The following ABCA8 variants were observed in gnomAD, a reference collection of about 807,000 sequenced individuals.
ABCA8 encodes ABC-type organic anion transporter ABCA8.
A neutral mutation model predicts 192.3 loss-of-function variants in ABCA8; 177 were observed. The observed-to-expected ratio is 0.92, with a 90% CI of 0.81 to 1.04. The LOEUF (loss-of-function observed/expected upper bound fraction) is 1.04. Among genes scored for constraint, ABCA8 ranks in the 50% least tolerant of loss-of-function variants. The pLI, the probability that ABCA8 is intolerant of heterozygous loss-of-function variation, is 0.00. For synonymous variants in ABCA8, 642 were observed against 690.2 expected (o/e 0.93, Z 1.09); for missense variants, 1,915 against 1,904.8 (o/e 1.01, Z -0.10).
intron 17 of ABCA8, among the ~76,000 whole-genome samples, chr17:68,909,433 C>T (rs942875888): frequency 1.8e-4 from 27 of 152,080 alleles, no homozygotes; most frequent in African/African-American, 6.0e-4. Context: ...AATTTGTTGG[C>T]CCTTAGATTA....
chr17:68,952,694 G>C, intron 1 of ABCA8, among the ~76,000 whole-genome samples: 1 of 152,090 alleles, frequency 6.6e-6, no homozygotes, highest in East Asian at 1.9e-4. Context: ...CTCTCTGTAG[G>C]CTAGCTCACT....
At chr17:68,881,665 T>C (rs1285118435) in intron 31 of ABCA8, among the ~76,000 whole-genome samples, 198 bp downstream of exon 31, 7 of 152,240 alleles carry the variant, frequency 4.6e-5, no homozygotes, top group Non-Finnish European at 1.0e-4. Flanking sequence ...TATGGTTTAG[T>C]TGTAGATGTG....
Position 68,921,374 on chromosome 17 carries a change from G to C in ABCA8, c.1612+8C>G, listed in dbSNP as rs761643076. 2 of 1,592,078 alleles carry C rather than the reference G, an allele frequency of 1.3e-6. No homozygotes were observed. Among genetic ancestry groups the C allele is most frequent in the East Asian group, 2.2e-5 (1 of 44,694 alleles). On this transcript the variant is annotated splice_region_variant and intron_variant, in intron 13 of 39. Transcript: ENST00000586539. Reference sequence around the variant, plus strand: ...ATTTAAAAAAAAAGAAAACAAACTAGTTTGTACCTTTGGTGGGAACAGACA... The same window carrying C: ...ATTTAAAAAAAAAGAAAACAAACTACTTTGTACCTTTGGTGGGAACAGACA...
chr17:68,891,455 C>T (rs2143386078), intron 24 of ABCA8, 34 bp downstream of exon 24: 1 of 1,462,776 alleles, frequency 6.8e-7, no homozygotes. Context: ...TTCAATTATG[C>T]AAAATAATGG....
At chr17:68,870,704 A>T (rs1389104820) in intron 37 of ABCA8, among the ~76,000 whole-genome samples, 2 of 152,314 alleles carry the variant, frequency 1.3e-5, no homozygotes, top group East Asian at 3.9e-4. Flanking sequence ...ATAGTATTTC[A>T]TTACATGTAC....
In ABCA8 at chr17:68,918,044, T is replaced by C; in HGVS notation, c.2047+3A>G. 1.9e-6 allele frequency: 3 copies of C among 1,613,992 alleles called. No individual in the cohort carries two copies. The highest frequency in any genetic ancestry group is 1.7e-5 in the Admixed American group (1 of 59,978). ...AGGATACTTAACAGAAACCAGTGAT[T>C]ACCCGCCAGGATGTCGGCCTCATCC... On this transcript the variant is annotated splice_donor_region_variant and intron_variant, in intron 16 of 39. Coordinates refer to ENST00000586539, the MANE Select transcript of ABCA8 (RefSeq NM_001288985.2).
chr17:68,882,692 A>G lies in ABCA8; in HGVS notation c.3735T>C (p.Cys1245=), dbSNP rs748728693. 1 of 1,612,866 alleles carries G rather than the reference A, an allele frequency of 6.2e-7. No individual in the cohort carries two copies. Among genetic ancestry groups the G allele is most frequent in the Non-Finnish European group, 8.5e-7 (1 of 1,179,542 alleles). The stretch of plus-strand genomic sequence containing the variant: ...CTCCTTCTGGTTCTTCTGGATTTTG[A>G]CACACATCACTACTTCTTGGAGAAA... ...FRISPRSSDV[C]QNPEEPEGED... Residue 1245 remains cysteine (C), a synonymous_variant, in exon 30 of 40, where the codon TGT becomes TGC. Coordinates refer to ENST00000586539, the MANE Select transcript of ABCA8 (RefSeq NM_001288985.2).
At chr17:68,894,457 A>C (rs1598213352) in intron 22 of ABCA8, 147 bp from the exon 23 acceptor site, 2 of 682,968 alleles carry the variant, frequency 2.9e-6, no homozygotes, top group Non-Finnish European at 4.8e-6. Context: ...TGTGTAAGTA[A>C]AATCAAATAC....
intron 24 of ABCA8, among the ~76,000 whole-genome samples, chr17:68,887,906 A>ATATATATATG (rs370830810): frequency 0.01 from 622 of 60,862 alleles, 23 homozygotes; most frequent in African/African-American, 0.056. Context: ...ATATATATAT[A>ATATATATATG]TCCATATATA....
chr17:68,894,446 CTG>C, intron 22 of ABCA8, 136 bp from the exon 23 acceptor site: 2 of 734,816 alleles, frequency 2.7e-6, no homozygotes, highest in Admixed American at 3.0e-5. Context: ...AAGCCAAACA[CTG>C]TGTAAGTAAA....
chr17:68,904,068 A>C (rs926350925), intron 19 of ABCA8, among the ~76,000 whole-genome samples: 1 of 152,220 alleles, frequency 6.6e-6, no homozygotes, highest in African/African-American at 2.4e-5. Context: ...GTGACAGGAC[A>C]CAAAACACAC....
At chr17:68,927,887 T>A (rs1193633521) in intron 10 of ABCA8, 29 bp downstream of exon 10, 1 of 1,455,476 alleles carries the variant, frequency 6.9e-7, no homozygotes, top group Middle Eastern at 1.7e-4. Flanking sequence ...ATTTAAATGA[T>A]ATATGATTTT....
At chr17:68,923,390 G>C (rs1469785929) in intron 11 of ABCA8, among the ~76,000 whole-genome samples, 2 of 151,850 alleles carry the variant, frequency 1.3e-5, no homozygotes, top group African/African-American at 4.8e-5. Flanking sequence ...AGTAGAGATG[G>C]GGTTTTGCCA....
chr17:68,922,419 C>T, intron 11 of ABCA8, 119 bp from the exon 12 acceptor site: 1 of 684,214 alleles, frequency 1.5e-6, no homozygotes, highest in Non-Finnish European at 2.3e-6. Context: ...GGTCTTCACT[C>T]TCACACAGTC....
chr17:68,877,676 G>GC lies in ABCA8; in HGVS notation c.4041dup (p.Leu1348AlafsTer48). ...TCCCCTCCACCGCTCCCTTTCAGTAGCACCTGCAGATGAAAGTTCCCTCTC... is the reference window on the plus strand; with the variant it reads ...TCCCCTCCACCGCTCCCTTTCAGTAGCCACCTGCAGATGAAAGTTCCCTCTC... On this transcript the variant is annotated frameshift_variant, in exon 33 of 40. Transcript: ENST00000586539. LOFTEE classifies it high-confidence loss of function. 1 of 1,608,296 alleles carries GC rather than the reference G, an allele frequency of 6.2e-7. No individual in the cohort carries two copies. Among genetic ancestry groups the GC allele is most frequent in the African/African-American group, 1.3e-5 (1 of 74,874 alleles).
chr17:68,946,499 A>T (rs954639760), intron 2 of ABCA8, among the ~76,000 whole-genome samples: 9 of 152,228 alleles, frequency 5.9e-5, no homozygotes, highest in Non-Finnish European at 1.3e-4. Flanking sequence ...TCATGATATT[A>T]GGAAGTAGGT....
At chr17:68,941,248 C>T (rs1328357058) in intron 3 of ABCA8, among the ~76,000 whole-genome samples, 4 of 151,972 alleles carry the variant, frequency 2.6e-5, no homozygotes, top group Admixed American at 1.3e-4. Flanking sequence ...AAGATAGTAT[C>T]GGAGGGATAG....
Position 68,877,677 on chromosome 17 carries a change from C to T in ABCA8, c.4041G>A (p.Val1347=). 1 of 1,608,754 alleles carries T rather than the reference C, an allele frequency of 6.2e-7. No individual in the cohort carries two copies. Among genetic ancestry groups the T allele is most frequent in the Non-Finnish European group, 8.5e-7 (1 of 1,176,976 alleles). Residue 1347 remains valine, a splice_region_variant and synonymous_variant, in exon 33 of 40, where the codon GTG becomes GTA. Coordinates refer to ENST00000586539, the MANE Select transcript of ABCA8 (RefSeq NM_001288985.2). ...CCCCTCCACCGCTCCCTTTCAGTAG[C>T]ACCTGCAGATGAAAGTTCCCTCTCA... ...TGDTKPTAGQ[V]LLKGSGGGDA... is the part of the protein sequence containing the mutation.
chr17:68,882,955 T>C (rs1160502419), intron 29 of ABCA8, among the ~76,000 whole-genome samples: 5 of 152,186 alleles, frequency 3.3e-5, no homozygotes, highest in Non-Finnish European at 7.3e-5. Flanking sequence ...CATAGCTCAA[T>C]GAAGTAATTT....
Sources: allele counts gnomAD v4.1 joint callset (sites outside exome capture counted in the v4.1 genomes callset), GRCh38; gene constraint gnomAD v4.1.1; transcripts MANE v1.5; gene names NCBI Gene and HGNC (gene_info 2026-07-23, HGNC 2026-07-21).